NDUFS1: variants seen among roughly 807,000 people sequenced by gnomAD.
NDUFS1 encodes the protein NADH:ubiquinone oxidoreductase core subunit S1, also known as NADH-ubiquinone oxidoreductase 75 kDa subunit, mitochondrial.
Under a neutral mutation model 84.4 loss-of-function variants are expected in NDUFS1, and 61 were observed. That is an observed-to-expected ratio of 0.72 (90% CI 0.59 to 0.89). The LOEUF (loss-of-function observed/expected upper bound fraction) is 0.89. NDUFS1 is among the 40% of genes least tolerant of loss of function. The pLI is 0.00. For synonymous variants in NDUFS1, 275 were observed against 290.0 expected (o/e 0.95, Z 0.53); for missense variants, 891 against 890.0 (o/e 1.00, Z -0.01).
chr2:206,141,141 C>G lies in NDUFS1; in HGVS notation c.1262+800G>C, dbSNP rs1222451662. 2.6e-5 allele frequency among the ~76,000 whole-genome samples: 4 copies of G among 151,950 alleles called. No homozygotes were observed. In the East Asian group the frequency reaches 7.7e-4, roughly 29 times the overall value. On this transcript the variant is annotated intron_variant, in intron 12 of 18. Coordinates refer to ENST00000233190, the MANE Select transcript of NDUFS1 (RefSeq NM_005006.7). ...CCTATTAGAAATTGTTGCAACTGGG[C>G]GTGGCAGTTCATGCCTGTAATCCCA...
chr2:206,130,781 T>C lies in NDUFS1; in HGVS notation c.1554-539A>G, dbSNP rs2105949601. 2.0e-5 allele frequency among the ~76,000 whole-genome samples: 3 copies of C among 152,352 alleles called. No individual in the cohort carries two copies. The South Asian group carries it at 6.2e-4, about 32-fold the overall frequency. On this transcript the variant is annotated intron_variant, in intron 14 of 18. Coordinates refer to ENST00000233190, the MANE Select transcript of NDUFS1 (RefSeq NM_005006.7). ...GACGCTCTGTCTCTCCATGACATAGTATTGAATGAAATAATTCTAGAAATT... is the reference window on the plus strand; with the variant it reads ...GACGCTCTGTCTCTCCATGACATAGCATTGAATGAAATAATTCTAGAAATT...
At chr2:206,141,075 A>G (rs556992704) in intron 12 of NDUFS1, among the ~76,000 whole-genome samples, 6 of 152,202 alleles carry the variant, frequency 3.9e-5, no homozygotes, top group African/African-American at 1.4e-4. Context: ...AAAAGCTAAT[A>G]AAGTAAATTT....
rs1212762964 is a variant in NDUFS1 at position 206,115,810 on chromosome 2, T to A, written c.*8375A>T. 1 of 415,690 alleles carries A rather than the reference T, an allele frequency of 2.4e-6. No individual in the cohort carries two copies. Among genetic ancestry groups the A allele is most frequent in the Admixed American group, 3.5e-5 (1 of 28,434 alleles). The allele number at this position is 415,690 out of a possible 1,614,324, so 25.8% of individuals were successfully genotyped here. On this transcript the variant is annotated 3_prime_UTR_variant, in exon 19 of 19. Coordinates refer to ENST00000233190, the MANE Select transcript of NDUFS1 (RefSeq NM_005006.7). Reference sequence around the variant, plus strand: ...ATAAGGCTTAAGAATAACAACATTATCTTTGAATTATGTAATTTTTGTAAC... The same window carrying A: ...ATAAGGCTTAAGAATAACAACATTAACTTTGAATTATGTAATTTTTGTAAC...
intron 3 of NDUFS1, among the ~76,000 whole-genome samples, chr2:206,150,659 C>T (rs993050117): frequency 3.3e-5 from 5 of 152,210 alleles, no homozygotes; most frequent in Non-Finnish European, 7.3e-5. Context: ...TTCATCCTAG[C>T]TGACATTCCT....
At chr2:206,136,762 CT>C (rs1229589279) in intron 13 of NDUFS1, among the ~76,000 whole-genome samples, 21 of 139,554 alleles carry the variant, frequency 1.5e-4, no homozygotes, top group South Asian at 4.6e-4. Context: ...TTCTTTTTTT[CT>C]TTTTTTTTTG....
rs1168018372 is a variant in NDUFS1 at position 206,122,987 on chromosome 2, TG to T, written c.*1197del. 1 of 152,114 alleles carries T rather than the reference TG, an allele frequency of 6.6e-6. No homozygotes were observed. Among genetic ancestry groups the T allele is most frequent in the Admixed American group, 6.6e-5 (1 of 15,264 alleles). The allele number at this position is 152,114 out of a possible 1,614,324, so 9.4% of individuals were successfully genotyped here. On this transcript the variant is annotated 3_prime_UTR_variant, in exon 19 of 19. Transcript: ENST00000233190. ...CTGGGCTCAAGCGATCCACCCACCT[TG>T]GCCCCCCAAGTGTTGGGATTACAGG...
At chr2:206,152,892 C>G (rs781594279) in intron 2 of NDUFS1, among the ~76,000 whole-genome samples, 6 of 151,822 alleles carry the variant, frequency 4.0e-5, no homozygotes, top group Non-Finnish European at 8.8e-5. Flanking sequence ...TTAGTAGAGA[C>G]AGGGTTTCGC....
intron 18 of NDUFS1, among the ~76,000 whole-genome samples, chr2:206,126,289 T>C (rs940678106): frequency 7.2e-5 from 11 of 152,372 alleles, no homozygotes; most frequent in Non-Finnish European, 1.3e-4. Context: ...TGACTTTCCT[T>C]ACAACAGCAA....
chr2:206,137,475 A>T (rs2105959601), intron 13 of NDUFS1, among the ~76,000 whole-genome samples: 1 of 152,100 alleles, frequency 6.6e-6, no homozygotes, highest in South Asian at 2.1e-4. Flanking sequence ...TCTCCCCGCC[A>T]AGGAAAAAGA....
rs1690926149 is a variant in NDUFS1 at position 206,115,699 on chromosome 2, C to A, written c.*8486G>T. 2.5e-6 allele frequency: 1 copy of A among 403,536 alleles called. No individual in the cohort carries two copies. The highest frequency in any genetic ancestry group is 2.1e-5 in the African/African-American group (1 of 48,126). The allele number at this position is 403,536 out of a possible 1,614,324, so 25.0% of individuals were successfully genotyped here. ...GACACTGTACAAGCAACAAAAACTT[C>A]TTCACTCCCAGTTATTTCCAATGGA... is the stretch of plus-strand genomic sequence containing the variant. On this transcript the variant is annotated 3_prime_UTR_variant, in exon 19 of 19. Coordinates refer to ENST00000233190, the MANE Select transcript of NDUFS1 (RefSeq NM_005006.7).
intron 1 of NDUFS1, among the ~76,000 whole-genome samples, chr2:206,157,963 C>CTACTT (rs1553509153): frequency 7.6e-6 from 1 of 131,864 alleles, no homozygotes; most frequent in South Asian, 2.3e-4. Flanking sequence ...ATTTCAATAG[C>CTACTT]TTTTTTTTTT....
chr2:206,122,501 C>G lies in NDUFS1; in HGVS notation c.*1684G>C, dbSNP rs1391292230. 6.6e-6 allele frequency: 1 copy of G among 151,278 alleles called. No individual in the cohort carries two copies. Among genetic ancestry groups the G allele is most frequent in the East Asian group, 2.0e-4 (1 of 5,040 alleles). The allele number at this position is 151,278 out of a possible 1,614,324, so 9.4% of individuals were successfully genotyped here. A position where few individuals can be genotyped will look rare whatever the true frequency, so the allele number is the denominator to read the frequency against. On this transcript the variant is annotated 3_prime_UTR_variant, in exon 19 of 19. Transcript: ENST00000233190. The stretch of plus-strand genomic sequence containing the variant: ...AAAATTAGCCAGGTGTGGTGGCGTG[C>G]GCTTGTAATCCCAGCTACCGGGGAG...
chr2:206,146,524 T>C (rs1473951036), intron 8 of NDUFS1, among the ~76,000 whole-genome samples: 2 of 152,312 alleles, frequency 1.3e-5, no homozygotes, highest in East Asian at 3.9e-4. Context: ...AGATTTGTAA[T>C]CATAAAGAAA....
At chr2:206,158,979 T>C in intron 1 of NDUFS1, 2 of 1,109,826 alleles carry the variant, frequency 1.8e-6, no homozygotes, top group Non-Finnish European at 2.6e-6. Flanking sequence ...AAAGGCTTAG[T>C]CTTAAGGCCT....
chr2:206,134,937 A>T (rs1247459330), intron 13 of NDUFS1, among the ~76,000 whole-genome samples: 1 of 151,996 alleles, frequency 6.6e-6, no homozygotes, highest in Non-Finnish European at 1.5e-5. Context: ...CAATTCTGCC[A>T]TTGCACTGCA....
chr2:206,127,647 G>A lies in NDUFS1; in HGVS notation c.1884+150C>T, dbSNP rs4147726. ...GAGCTCACTGTAACCTTGAATTCCT[G>A]TTTCTGAATACATGTTTTCTATAGA... On this transcript the variant is annotated intron_variant, in intron 16 of 18. Coordinates refer to ENST00000233190, the MANE Select transcript of NDUFS1 (RefSeq NM_005006.7). 0.44 allele frequency: 376,481 copies of A among 850,762 alleles called. 86,331 individuals carry two copies. Among genetic ancestry groups the A allele is most frequent in the African/African-American group, 0.64 (38,113 of 59,338 alleles). The allele number at this position is 850,762 out of a possible 1,614,324, so 52.7% of individuals were successfully genotyped here.
Position 206,142,851 on chromosome 2 carries a change from G to A in NDUFS1, c.988-20C>T, listed in dbSNP as rs1256242700. 5.0e-6 allele frequency: 8 copies of A among 1,613,838 alleles called. No individual in the cohort carries two copies. The highest frequency in any genetic ancestry group is 1.7e-5 in the Admixed American group (1 of 59,986). On this transcript the variant is annotated intron_variant, in intron 10 of 18. Transcript: ENST00000233190. ...CTGCAACTAGAAACAGATGAAAAGG[G>A]CATCACCAAGAAACCTACACGCAGC... is the stretch of plus-strand genomic sequence containing the variant.
At chr2:206,126,940 C>T (rs1300008410) in intron 16 of NDUFS1, 96 bp from the exon 17 acceptor site, 7 of 1,482,320 alleles carry the variant, frequency 4.7e-6, no homozygotes, top group Non-Finnish European at 6.5e-6. Context: ...TAATGCAGCA[C>T]TACTGAAAAA....
rs763108483 is a variant in NDUFS1, at chr2:206,134,927, C to T, written c.1393-1822G>A. Among the ~76,000 whole-genome samples, 5 of 152,082 alleles carry T rather than the reference C, an allele frequency of 3.3e-5. No homozygotes were observed. The East Asian group carries it at 5.9e-4, about 18-fold the overall frequency. ...AGGAGTTTGAGGCTACAGTCAGCTA[C>T]AATTCTGCCATTGCACTGCAGCCTG... is the stretch of plus-strand genomic sequence containing the variant. On this transcript the variant is annotated intron_variant, in intron 13 of 18. Coordinates refer to ENST00000233190, the MANE Select transcript of NDUFS1 (RefSeq NM_005006.7).
Sources: allele counts gnomAD v4.1 joint callset (sites outside exome capture counted in the v4.1 genomes callset), GRCh38; gene constraint gnomAD v4.1.1; transcripts MANE v1.5; gene names NCBI Gene and HGNC (gene_info 2026-07-23, HGNC 2026-07-21).